The following LMTK2 variants were observed in gnomAD, a reference collection of about 807,000 sequenced individuals.
LMTK2 encodes serine/threonine-protein kinase LMTK2.
In LMTK2, 37 loss-of-function variants were observed where a neutral mutation model predicts 127.5. The ratio of observed to expected loss-of-function variants is 0.29; its 90% CI spans 0.22 to 0.38. The LOEUF (loss-of-function observed/expected upper bound fraction) is 0.38, where lower values mean the gene tolerates loss of function less well. Among genes scored for constraint, LMTK2 ranks in the 10% least tolerant of loss-of-function variants. LMTK2 has a pLI of 1.00. For synonymous variants in LMTK2, 819 were observed against 810.1 expected (o/e 1.01, Z -0.19); for missense variants, 1,694 against 1,920.3 (o/e 0.88, Z 2.20).
intron 1 of LMTK2, chr7:98,126,842 A>C (rs1796451997): frequency 6.6e-6 from 1 of 152,208 alleles, no homozygotes; most frequent in Non-Finnish European, 1.5e-5. Context: ...ATCACTTTTG[A>C]ACAGAGGAAC....
intron 3 of LMTK2, among the ~76,000 whole-genome samples, chr7:98,148,252 G>A (rs1796799899): frequency 6.6e-6 from 1 of 151,748 alleles, no homozygotes; most frequent in Admixed American, 6.6e-5. Flanking sequence ...CACTTTGAGA[G>A]GCTGAGGTGG....
chr7:98,113,931 TTC>T (rs993473536), intron 1 of LMTK2, among the ~76,000 whole-genome samples: 3 of 142,626 alleles, frequency 2.1e-5, no homozygotes, highest in Admixed American at 7.3e-5. Context: ...CATTATTAAA[TTC>T]TTTTTTTTTT....
chr7:98,163,302 C>A (rs1462320849), intron 6 of LMTK2, among the ~76,000 whole-genome samples: 1 of 151,756 alleles, frequency 6.6e-6, no homozygotes, highest in Non-Finnish European at 1.5e-5. Context: ...TTTTTTTTTA[C>A]CCCAGTAGAA....
At chr7:98,175,014 A>G (rs1209735611) in intron 7 of LMTK2, among the ~76,000 whole-genome samples, 1 of 152,196 alleles carries the variant, frequency 6.6e-6, no homozygotes, top group East Asian at 1.9e-4. Flanking sequence ...GGGCCACCCC[A>G]CGTGCCACGA....
rs141923399 is a variant in LMTK2, at chr7:98,198,499, T to C, written c.4107+3927T>C. Among the ~76,000 whole-genome samples, 525 of 152,268 alleles carry C rather than the reference T, an allele frequency of 3.4e-3. 16 individuals are homozygous for C. The East Asian group carries it at 0.082, about 24-fold the overall frequency. ...CTACCGCGCCTGGCCTCTTTTCTCT[T>C]TTTTTGAGACTGGGTCTCGCTCTGT... On this transcript the variant is annotated intron_variant, in intron 11 of 13. Coordinates refer to ENST00000297293, the MANE Select transcript of LMTK2 (RefSeq NM_014916.4).
intron 1 of LMTK2, among the ~76,000 whole-genome samples, chr7:98,127,595 C>G (rs1263116702): frequency 6.6e-6 from 1 of 152,164 alleles, no homozygotes; most frequent in Non-Finnish European, 1.5e-5. Context: ...GGCAGGATGC[C>G]CTCATGCCTG....
intron 3 of LMTK2, among the ~76,000 whole-genome samples, chr7:98,144,698 G>A (rs116555938): frequency 2.7e-3 from 411 of 150,744 alleles, no homozygotes; most frequent in African/African-American, 8.5e-3. Flanking sequence ...AGGAAGGTAA[G>A]TACAGACATA....
intron 1 of LMTK2, among the ~76,000 whole-genome samples, chr7:98,116,864 C>T (rs979829838): frequency 4.6e-5 from 7 of 152,228 alleles, no homozygotes; most frequent in Non-Finnish European, 1.0e-4. Flanking sequence ...GTGACCTGGA[C>T]AGCTTTGAGG....
At position 98,139,394 on chromosome 7, in the gene LMTK2, C is replaced by A. The variant is rs143670814; in HGVS notation, c.231+1952C>A. Reference sequence around the variant, plus strand: ...CCTCCCAAAGTACTAGGATTACAGGCGTGAGCCACCGGGCCTGGCCATTTT... The same window carrying A: ...CCTCCCAAAGTACTAGGATTACAGGAGTGAGCCACCGGGCCTGGCCATTTT... On this transcript the variant is annotated intron_variant, in intron 2 of 13. Coordinates refer to ENST00000297293, the MANE Select transcript of LMTK2 (RefSeq NM_014916.4). 4.9e-3 allele frequency among the ~76,000 whole-genome samples: 741 copies of A among 152,288 alleles called. 5 individuals are homozygous for A. The highest frequency in any genetic ancestry group is 0.017 in the African/African-American group (701 of 41,540).
At position 98,148,509 on chromosome 7, in the gene LMTK2, A is replaced by G. The variant is rs573348441; in HGVS notation, c.377-2873A>G. Among the ~76,000 whole-genome samples the G allele has an allele frequency of 3.6e-5, 5 of 140,576 alleles. No individual in the cohort carries two copies. In the Admixed American group the frequency reaches 3.6e-4, roughly 10 times the overall value. The allele number at this position is 140,576 out of a possible 152,430, so 92.2% of individuals were successfully genotyped here. ...CTCCGTCTCAAAAAAAAAAAAAAAT[A>G]ATAATAATAATAATAAATAAAAATA... is the stretch of plus-strand genomic sequence containing the variant. On this transcript the variant is annotated intron_variant, in intron 3 of 13. Coordinates refer to ENST00000297293, the MANE Select transcript of LMTK2 (RefSeq NM_014916.4).
At chr7:98,161,395 G>C (rs1364346103) in intron 6 of LMTK2, among the ~76,000 whole-genome samples, 1 of 152,078 alleles carries the variant, frequency 6.6e-6, no homozygotes, top group Non-Finnish European at 1.5e-5. Flanking sequence ...ACTTTTCTGG[G>C]CCACCCCATA....
intron 1 of LMTK2, among the ~76,000 whole-genome samples, chr7:98,130,831 A>G (rs973391339): frequency 1.3e-5 from 2 of 152,192 alleles, no homozygotes; most frequent in Non-Finnish European, 2.9e-5. Context: ...ACTAGAGAAT[A>G]AATTTTGGTT....
At chr7:98,132,993 T>C (rs906407445) in intron 1 of LMTK2, among the ~76,000 whole-genome samples, 1 of 152,254 alleles carries the variant, frequency 6.6e-6, no homozygotes, top group Non-Finnish European at 1.5e-5. Flanking sequence ...AAACAGATAA[T>C]ATGTACCTAC....
chr7:98,150,380 G>T (rs1796836347), intron 3 of LMTK2, among the ~76,000 whole-genome samples: 1 of 151,620 alleles, frequency 6.6e-6, no homozygotes, highest in South Asian at 2.1e-4. Context: ...AGATGAATAA[G>T]ACTGACTACA....
In LMTK2 at chr7:98,107,585, C is replaced by T. The variant is rs142736655; in HGVS notation, c.103+305C>T. Among the ~76,000 whole-genome samples the T allele has an allele frequency of 6.8e-3, 1,032 of 152,332 alleles. 13 individuals are homozygous for T. The highest frequency in any genetic ancestry group is 0.023 in the African/African-American group (977 of 41,580). ...TTAAGATCCTCAGCTTATATCGCTT[C>T]CTGGCAGTTCAGCTTCCCTTTCCAG... On this transcript the variant is annotated intron_variant, in intron 1 of 13. Transcript: ENST00000297293.
chr7:98,129,787 C>G (rs979456486), intron 1 of LMTK2, among the ~76,000 whole-genome samples: 1 of 151,374 alleles, frequency 6.6e-6, no homozygotes, highest in African/African-American at 2.5e-5. Context: ...TCATCGCTCT[C>G]TAACTTTTTT....
intron 6 of LMTK2, among the ~76,000 whole-genome samples, chr7:98,161,694 C>T (rs910831906): frequency 3.9e-5 from 6 of 152,222 alleles, no homozygotes; most frequent in African/African-American, 1.2e-4. Context: ...ATAAAAATAG[C>T]TTCCTTTTAG....
chr7:98,140,136 T>C (rs768149158), intron 2 of LMTK2, among the ~76,000 whole-genome samples: 1 of 12,508 alleles, frequency 8.0e-5, no homozygotes, highest in Admixed American at 1.3e-3. Flanking sequence ...CTTTCTTTCT[T>C]TCTTTCTTTT....
Position 98,141,388 on chromosome 7 carries a change from T to C in LMTK2, c.232-9T>C, listed in dbSNP as rs1182594908. 6.2e-7 allele frequency: 1 copy of C among 1,612,482 alleles called. No individual in the cohort carries two copies. The highest frequency in any genetic ancestry group is 1.3e-5 in the African/African-American group (1 of 74,878). On this transcript the variant is annotated splice_polypyrimidine_tract_variant and intron_variant, in intron 2 of 13. Coordinates refer to ENST00000297293, the MANE Select transcript of LMTK2 (RefSeq NM_014916.4). ...AATGGTTTTTAATGCTTGCTCTCTTTCATTTTAGGAATTTGAAGATAATTT... is the reference window on the plus strand; with the variant it reads ...AATGGTTTTTAATGCTTGCTCTCTTCCATTTTAGGAATTTGAAGATAATTT...
Sources: gnomAD v4.1 joint callset for allele counts (sites outside exome capture counted in the v4.1 genomes callset) on GRCh38, gnomAD v4.1.1 for gene constraint, MANE v1.5 for transcripts, NCBI Gene and HGNC (gene_info 2026-07-23, HGNC 2026-07-21) for gene names.